Variants in BTRC observed in about 807,000 individuals in gnomAD.
The protein encoded by BTRC is F-box/WD repeat-containing protein 1A.
Under a neutral mutation model 85.5 loss-of-function variants are expected in BTRC, and 42 were observed. The ratio of observed to expected loss-of-function variants is 0.49; its 90% confidence interval spans 0.38 to 0.64. The LOEUF is 0.64. Among genes scored for constraint, BTRC ranks in the 30% least tolerant of loss-of-function variants. The probability of loss-of-function intolerance (pLI) is 0.00; values close to 1 mark genes in which losing one functional copy is unlikely to be tolerated. For synonymous variants in BTRC, 255 were observed against 263.3 expected (o/e 0.97, Z 0.30); for missense variants, 594 against 743.5 (o/e 0.80, Z 2.34).
At chr10:101,390,636 A>G (rs1013782097) in intron 1 of BTRC, among the ~76,000 whole-genome samples, 2 of 152,100 alleles carry the variant, frequency 1.3e-5, no homozygotes, top group African/African-American at 2.4e-5. Context: ...CTGGCCTGGT[A>G]TGATAATTTT....
chr10:101,506,214 C>T (rs957472568), intron 4 of BTRC, among the ~76,000 whole-genome samples: 2 of 152,136 alleles, frequency 1.3e-5, no homozygotes, highest in African/African-American at 4.8e-5. Context: ...GTAGTTTTCG[C>T]GCCTGGCTAG....
At chr10:101,440,033 TA>T (rs1180871468) in intron 2 of BTRC, among the ~76,000 whole-genome samples, 2 of 152,198 alleles carry the variant, frequency 1.3e-5, no homozygotes, top group Admixed American at 6.5e-5. Context: ...GGAAGAAAAA[TA>T]TTTTTTTAAT....
intron 1 of BTRC, among the ~76,000 whole-genome samples, chr10:101,387,103 G>A (rs1340886763): frequency 6.6e-6 from 1 of 151,714 alleles, no homozygotes; most frequent in African/African-American, 2.4e-5. Context: ...ATCAGTTTTT[G>A]GACTCATTCT....
At chr10:101,405,917 AGTT>A (rs1454998597) in intron 1 of BTRC, among the ~76,000 whole-genome samples, 2 of 152,288 alleles carry the variant, frequency 1.3e-5, no homozygotes, top group African/African-American at 4.8e-5. Flanking sequence ...TGTATACTGC[AGTT>A]GTTGGGTGAA....
chr10:101,430,776 C>T lies in BTRC; in HGVS notation c.156+324C>T, dbSNP rs78881374. Among the ~76,000 whole-genome samples, 987 of 152,200 alleles carry T rather than the reference C, an allele frequency of 6.5e-3. 5 individuals are homozygous for T. Among genetic ancestry groups the T allele is most frequent in the Non-Finnish European group, 0.01 (705 of 68,010 alleles). ...AGCAGTTCAATACGTAATATTTGCTCTGGACCTACATAAAGCCAATTAGTA... is the reference window on the plus strand; with the variant it reads ...AGCAGTTCAATACGTAATATTTGCTTTGGACCTACATAAAGCCAATTAGTA... On this transcript the variant is annotated intron_variant, in intron 2 of 14. Coordinates refer to ENST00000370187, the MANE Select transcript of BTRC (RefSeq NM_033637.4).
At chr10:101,383,057 A>ATTTTTTTTTTTTTTTTTTT (rs370353886) in intron 1 of BTRC, among the ~76,000 whole-genome samples, 1 of 116,516 alleles carries the variant, frequency 8.6e-6, no homozygotes, top group Non-Finnish European at 1.6e-5. Flanking sequence ...TTCCCTGGAG[A>ATTTTTTTTTTTTTTTTTTT]TTTTTTTTTT....
intron 3 of BTRC, among the ~76,000 whole-genome samples, chr10:101,468,029 CT>C (rs1190151129): frequency 6.6e-6 from 1 of 152,116 alleles, no homozygotes; most frequent in Non-Finnish European, 1.5e-5. Context: ...AGTCTAATAA[CT>C]TTTTTAAGAA....
At chr10:101,553,055 C>A (rs1487432922) in intron 14 of BTRC, 100 bp from the exon 15 acceptor site, 1 of 152,442 alleles carries the variant, frequency 6.6e-6, no homozygotes, top group African/African-American at 2.4e-5. Flanking sequence ...GACCCCTAAG[C>A]CTTTTCCCCA....
chr10:101,535,181 A>T (rs543515495), intron 10 of BTRC, among the ~76,000 whole-genome samples, 173 bp from the exon 11 acceptor site: 1 of 152,328 alleles, frequency 6.6e-6, no homozygotes, highest in African/African-American at 2.4e-5. Context: ...GTAACAGCCA[A>T]CTGCAAATTA....
At chr10:101,457,304 C>G (rs1286993216) in intron 2 of BTRC, among the ~76,000 whole-genome samples, 1 of 152,072 alleles carries the variant, frequency 6.6e-6, no homozygotes, top group Non-Finnish European at 1.5e-5. Context: ...AGCATGCTAC[C>G]TGCTTTAGGT....
intron 1 of BTRC, among the ~76,000 whole-genome samples, chr10:101,427,488 CCCTT>C (rs1171479750): frequency 2.4e-5 from 3 of 127,654 alleles, no homozygotes; most frequent in African/African-American, 5.8e-5. Context: ...TGAGACGGGT[CCCTT>C]CCTTCCTTCC....
At chr10:101,391,709 T>A (rs1156822766) in intron 1 of BTRC, among the ~76,000 whole-genome samples, 1 of 152,228 alleles carries the variant, frequency 6.6e-6, no homozygotes, top group Non-Finnish European at 1.5e-5. Flanking sequence ...ATCCTAAATA[T>A]TTTTACTTCT....
chr10:101,496,519 A>G (rs910508238), intron 4 of BTRC, among the ~76,000 whole-genome samples: 2 of 152,198 alleles, frequency 1.3e-5, no homozygotes, highest in African/African-American at 4.8e-5. Context: ...GGCCTCAGGC[A>G]GTCCTCTTGC....
At chr10:101,498,716 C>T (rs939357690) in intron 4 of BTRC, among the ~76,000 whole-genome samples, 3 of 152,036 alleles carry the variant, frequency 2.0e-5, no homozygotes, top group Non-Finnish European at 4.4e-5. Context: ...GCAGGCCAGC[C>T]GTGGTGGTTC....
At position 101,392,361 on chromosome 10, in the gene BTRC, C is replaced by T. The variant is rs569307191; in HGVS notation, c.49-37984C>T. 2.6e-5 allele frequency among the ~76,000 whole-genome samples: 4 copies of T among 152,246 alleles called. No individual in the cohort carries two copies. The South Asian group carries it at 6.2e-4, about 24-fold the overall frequency. On this transcript the variant is annotated intron_variant, in intron 1 of 14. Transcript: ENST00000370187. The stretch of plus-strand genomic sequence containing the variant: ...AATGAGGGAAGAAACCATTGGCAAC[C>T]CCTTTGTGTTGTGGAATTCCCAATC...
intron 2 of BTRC, among the ~76,000 whole-genome samples, chr10:101,448,995 A>G (rs562279329): frequency 1.5e-4 from 23 of 152,158 alleles, no homozygotes; most frequent in African/African-American, 4.6e-4. Flanking sequence ...AGGACACAGT[A>G]TAATAATAAG....
intron 1 of BTRC, among the ~76,000 whole-genome samples, chr10:101,396,975 G>T (rs10883636): frequency 0.36 from 54,787 of 151,526 alleles, 10,987 homozygotes; most frequent in Middle Eastern, 0.48. Context: ...GCTAATTTTT[G>T]GTATTTTTAG....
At chr10:101,431,070 CTTTTT>C (rs748703752) in intron 2 of BTRC, among the ~76,000 whole-genome samples, 18 of 71,290 alleles carry the variant, frequency 2.5e-4, no homozygotes, top group African/African-American at 9.2e-4. Context: ...CTCAGCCTTT[CTTTTT>C]TTTTTTTTTT....
At chr10:101,461,600 C>G (rs1564787061) in intron 2 of BTRC, among the ~76,000 whole-genome samples, 1 of 152,068 alleles carries the variant, frequency 6.6e-6, no homozygotes, top group Non-Finnish European at 1.5e-5. Context: ...CTGTGCCAAC[C>G]AAACATCTAC....
Sources: gnomAD v4.1 joint callset for allele counts (sites outside exome capture counted in the v4.1 genomes callset) on GRCh38, gnomAD v4.1.1 for gene constraint, MANE v1.5 for transcripts, NCBI Gene and HGNC (gene_info 2026-07-23, HGNC 2026-07-21) for gene names.